AUTS2: variants seen among roughly 807,000 people sequenced by gnomAD.
AUTS2 encodes autism susceptibility gene 2 protein.
A neutral mutation model predicts 112.4 loss-of-function variants in AUTS2; 17 were observed. That is an observed-to-expected ratio of 0.15 (90% CI 0.10 to 0.23). AUTS2 has a LOEUF of 0.23. Ranked by LOEUF, AUTS2 falls within the 10% of genes least tolerant of loss-of-function variation. The pLI is 1.00. For missense variants in AUTS2, 1,510 were observed against 1,701.6 expected (o/e 0.89, Z 1.98); for synonymous variants, 751 against 702.7 (o/e 1.07, Z -1.09).
intron 4 of AUTS2, among the ~76,000 whole-genome samples, chr7:70,211,919 G>C (rs967529846): frequency 6.6e-6 from 1 of 152,120 alleles, no homozygotes; most frequent in African/African-American, 2.4e-5. Context: ...CTGGGAGGCG[G>C]AGCTTGCAGC....
At chr7:70,121,215 C>A (rs987100903) in intron 3 of AUTS2, among the ~76,000 whole-genome samples, 4 of 152,004 alleles carry the variant, frequency 2.6e-5, no homozygotes, top group Non-Finnish European at 4.4e-5. Context: ...AATCAATGAC[C>A]AAAATATAAA....
intron 4 of AUTS2, among the ~76,000 whole-genome samples, chr7:70,188,784 CTT>C (rs530872900): frequency 5.6e-5 from 8 of 142,742 alleles, no homozygotes; most frequent in Admixed American, 7.0e-5. Context: ...TTCTTTCTTT[CTT>C]TTTTTTTTTT....
chr7:70,117,184 C>A, intron 2 of AUTS2, among the ~76,000 whole-genome samples: 2 of 143,324 alleles, frequency 1.4e-5, no homozygotes, highest in East Asian at 2.0e-4. Context: ...TAGTTCTAGC[C>A]CATATGTGGC....
chr7:70,615,319 G>A (rs908208978), intron 5 of AUTS2, among the ~76,000 whole-genome samples: 17 of 152,114 alleles, frequency 1.1e-4, no homozygotes, highest in African/African-American at 2.9e-4. Flanking sequence ...AAAAAGAAGC[G>A]GCTGGTCTTT....
intron 2 of AUTS2, among the ~76,000 whole-genome samples, chr7:70,114,306 C>T (rs1165781596): frequency 6.6e-6 from 1 of 152,144 alleles, no homozygotes; most frequent in East Asian, 1.9e-4. Context: ...GTAATAGCTG[C>T]CATGGATGCT....
chr7:70,368,199 C>T (rs372551751), intron 4 of AUTS2, among the ~76,000 whole-genome samples: 1 of 152,162 alleles, frequency 6.6e-6, no homozygotes, highest in Non-Finnish European at 1.5e-5. Context: ...GTACTACCTA[C>T]CTCTTGGAGT....
At chr7:70,621,143 C>T (rs902276969) in intron 5 of AUTS2, among the ~76,000 whole-genome samples, 18 of 152,224 alleles carry the variant, frequency 1.2e-4, no homozygotes, top group African/African-American at 4.1e-4. Flanking sequence ...TCTTCCCCTT[C>T]CCTGATGCTC....
chr7:70,690,983 A>C (rs1202018426), intron 5 of AUTS2, among the ~76,000 whole-genome samples: 2 of 152,174 alleles, frequency 1.3e-5, no homozygotes, highest in African/African-American at 4.8e-5. Flanking sequence ...ATAAATTCAT[A>C]AGAATTTGAA....
chr7:70,446,774 A>C (rs1307066510), intron 5 of AUTS2, among the ~76,000 whole-genome samples: 2 of 152,160 alleles, frequency 1.3e-5, no homozygotes, highest in Non-Finnish European at 2.9e-5. Flanking sequence ...TGGGGAGTCC[A>C]AGGGCCCTGA....
At chr7:70,695,630 C>T (rs1398570503) in intron 5 of AUTS2, among the ~76,000 whole-genome samples, 2 of 152,250 alleles carry the variant, frequency 1.3e-5, no homozygotes, top group African/African-American at 2.4e-5. Context: ...GGGCCTGAAG[C>T]AGGAATCGCT....
At chr7:70,356,903 T>C (rs1386735570) in intron 4 of AUTS2, among the ~76,000 whole-genome samples, 1 of 152,256 alleles carries the variant, frequency 6.6e-6, no homozygotes, top group African/African-American at 2.4e-5. Context: ...CCCAGTTCCT[T>C]AGTAGAATTT....
At chr7:70,753,844 G>C (rs560707218) in intron 6 of AUTS2, among the ~76,000 whole-genome samples, 37 of 152,320 alleles carry the variant, frequency 2.4e-4, no homozygotes, top group Admixed American at 7.8e-4. Flanking sequence ...CAACAGAATA[G>C]ACAGGTGAAG....
chr7:69,910,021 G>A (rs1169667934), intron 2 of AUTS2, among the ~76,000 whole-genome samples: 1 of 152,200 alleles, frequency 6.6e-6, no homozygotes, highest in Non-Finnish European at 1.5e-5. Flanking sequence ...GGTGTGCACT[G>A]CTGGAAGGTT....
At chr7:69,778,655 A>G (rs940460832) in intron 1 of AUTS2, among the ~76,000 whole-genome samples, 1 of 152,148 alleles carries the variant, frequency 6.6e-6, no homozygotes, top group Admixed American at 6.5e-5. Flanking sequence ...AGAAAAAGGA[A>G]TGATTTTTGT....
At chr7:70,328,922 C>T (rs1053310571) in intron 4 of AUTS2, among the ~76,000 whole-genome samples, 5 of 152,146 alleles carry the variant, frequency 3.3e-5, no homozygotes, top group African/African-American at 1.2e-4. Context: ...AAACCCCTTA[C>T]CCATTAAGTA....
chr7:70,485,566 C>CT (rs1797958593), intron 5 of AUTS2, among the ~76,000 whole-genome samples: 1 of 152,024 alleles, frequency 6.6e-6, no homozygotes, highest in South Asian at 2.1e-4. Context: ...GAAATCACCA[C>CT]TAAAGTACTT....
chr7:69,683,331 T>C (rs960180679), intron 1 of AUTS2, among the ~76,000 whole-genome samples: 13 of 152,224 alleles, frequency 8.5e-5, no homozygotes, highest in Non-Finnish European at 1.6e-4. Context: ...GGAACCGCCA[T>C]ACTGGGTGGA....
At chr7:70,117,109 T>G (rs201302556) in intron 2 of AUTS2, among the ~76,000 whole-genome samples, 5,932 of 90,160 alleles carry the variant, frequency 0.066, 209 homozygotes, top group Non-Finnish European at 0.084. Flanking sequence ...CTTTTGTTTT[T>G]TTTTTTTGTT....
At chr7:70,454,744 G>A (rs1327173859) in intron 5 of AUTS2, among the ~76,000 whole-genome samples, 1 of 152,164 alleles carries the variant, frequency 6.6e-6, no homozygotes, top group African/African-American at 2.4e-5. Flanking sequence ...CACTGAGGAG[G>A]AAAGTGGGCT....
Sources: allele counts gnomAD v4.1 joint callset (sites outside exome capture counted in the v4.1 genomes callset), GRCh38; gene constraint gnomAD v4.1.1; transcripts MANE v1.5; gene names NCBI Gene and HGNC (gene_info 2026-07-23, HGNC 2026-07-21).